The following SRGAP3 variants were observed in gnomAD, a reference collection of about 807,000 sequenced individuals.
SRGAP3 encodes the protein SLIT-ROBO Rho GTPase activating protein 3.
In SRGAP3, 39 loss-of-function variants were observed where a neutral mutation model predicts 121.1. The observed-to-expected ratio is 0.32, with a 90% CI of 0.25 to 0.42. The LOEUF (loss-of-function observed/expected upper bound fraction) is 0.42, where lower values mean the gene tolerates loss of function less well. Among genes scored for constraint, SRGAP3 ranks in the 10% least tolerant of loss-of-function variants. The pLI is 1.00. For synonymous variants in SRGAP3, 601 were observed against 570.0 expected (o/e 1.05, Z -0.77); for missense variants, 1,213 against 1,470.6 (o/e 0.82, Z 2.86).
intron 3 of SRGAP3, among the ~76,000 whole-genome samples, chr3:9,100,505 G>A (rs574868078): frequency 5.3e-5 from 8 of 152,190 alleles, no homozygotes; most frequent in Non-Finnish European, 1.0e-4. Flanking sequence ...GGAGGAATTA[G>A]GACCTCTTGG....
At position 9,170,063 on chromosome 3, in the gene SRGAP3, T is replaced by C. The variant is rs118162584; in HGVS notation, c.68-45146A>G. Among the ~76,000 whole-genome samples the C allele has an allele frequency of 9.9e-5, 15 of 152,222 alleles. No homozygotes were observed. The East Asian group carries it at 2.7e-3, about 27-fold the overall frequency. ...ATTTGTTAAGAGGACAAAATGAAGATTTAATCTATGTAAAGCACCTGACAC... is the reference window on the plus strand; with the variant it reads ...ATTTGTTAAGAGGACAAAATGAAGACTTAATCTATGTAAAGCACCTGACAC... On this transcript the variant is annotated intron_variant, in intron 1 of 21. Transcript: ENST00000383836.
chr3:9,082,984 A>T, intron 3 of SRGAP3, among the ~76,000 whole-genome samples: 1 of 152,148 alleles, frequency 6.6e-6, no homozygotes, highest in Non-Finnish European at 1.5e-5. Context: ...CAGCTTCGAG[A>T]GGGTGTGGAG....
intron 3 of SRGAP3, among the ~76,000 whole-genome samples, chr3:9,288,272 G>A (rs1954813555): frequency 1.3e-5 from 2 of 151,534 alleles, no homozygotes; most frequent in Admixed American, 1.3e-4. Flanking sequence ...CAAGTAGCTA[G>A]GATTACAGGC....
chr3:9,271,265 C>G (rs1379074203), intron 3 of SRGAP3, among the ~76,000 whole-genome samples: 1 of 152,146 alleles, frequency 6.6e-6, no homozygotes, highest in Admixed American at 6.5e-5. Flanking sequence ...ACCAGGGAGG[C>G]AGAGGTTGCA....
At chr3:9,202,499 C>A (rs1239835934) in intron 1 of SRGAP3, among the ~76,000 whole-genome samples, 1 of 152,222 alleles carries the variant, frequency 6.6e-6, no homozygotes, top group Non-Finnish European at 1.5e-5. Context: ...CTCTGATGTT[C>A]ACTAGCCTGC....
intron 2 of SRGAP3, among the ~76,000 whole-genome samples, chr3:9,105,052 C>T (rs1200790015): frequency 6.6e-6 from 1 of 152,258 alleles, no homozygotes; most frequent in Non-Finnish European, 1.5e-5. Flanking sequence ...GAACCCAGGT[C>T]TTTGACGCCT....
chr3:9,112,610 G>C (rs567367140), intron 2 of SRGAP3, among the ~76,000 whole-genome samples: 1 of 152,166 alleles, frequency 6.6e-6, no homozygotes, highest in African/African-American at 2.4e-5. Flanking sequence ...CTTTAACAGG[G>C]GGCTGCCCTC....
intron 1 of SRGAP3, among the ~76,000 whole-genome samples, chr3:9,142,816 G>A (rs967845959): frequency 3.7e-5 from 5 of 135,964 alleles, no homozygotes; most frequent in Non-Finnish European, 3.1e-5. Flanking sequence ...CAACCAAGTT[G>A]GTGGGCAATT....
chr3:9,161,951 G>A (rs981036261), intron 1 of SRGAP3, among the ~76,000 whole-genome samples: 5 of 152,184 alleles, frequency 3.3e-5, no homozygotes, highest in African/African-American at 9.7e-5. Context: ...GATGAACAAG[G>A]TGTGCTATAT....
rs1241451876 is a variant in SRGAP3 at position 9,096,941 on chromosome 3, A to G, written c.423+7739T>C. ...ATATATTTTTTACATTATTTTGTATATATATATATATATATATATATATAT... is the reference window on the plus strand; with the variant it reads ...ATATATTTTTTACATTATTTTGTATGTATATATATATATATATATATATAT... On this transcript the variant is annotated intron_variant, in intron 3 of 21. Transcript: ENST00000383836. Among the ~76,000 whole-genome samples, 138 of 28,660 alleles carry G rather than the reference A, an allele frequency of 4.8e-3. 1 individual carries two copies. Among genetic ancestry groups the G allele is most frequent in the African/African-American group, 0.016 (104 of 6,414 alleles). 18.8% of individuals were successfully genotyped at this position (28,660 alleles called of 152,430 possible).
rs144271528 is a variant in SRGAP3, at chr3:9,312,781, T to C, written n.442+13229A>G. Among the ~76,000 whole-genome samples the C allele has an allele frequency of 1.3e-3, 204 of 152,206 alleles. 1 individual carries two copies. Among genetic ancestry groups the C allele is most frequent in the African/African-American group, 4.7e-3 (194 of 41,538 alleles). ...GGGGGGAATGCTGGAGGCTGGAAGT[T>C]GGAGACCAGCCTGGGCAACATAGCG... On this transcript the variant is annotated intron_variant and non_coding_transcript_variant, in intron 3 of 3. Coordinates refer to the SRGAP3 transcript ENST00000490889.
At chr3:9,314,528 T>A (rs571305471) in intron 3 of SRGAP3, among the ~76,000 whole-genome samples, 1 of 152,122 alleles carries the variant, frequency 6.6e-6, no homozygotes, top group Non-Finnish European at 1.5e-5. Flanking sequence ...CCTGCTCTCA[T>A]GGGCACACTG....
intron 7 of SRGAP3, 34 bp downstream of exon 7, chr3:9,058,217 C>A (rs1409379631): frequency 2.5e-6 from 4 of 1,603,920 alleles, no homozygotes; most frequent in Middle Eastern, 1.8e-4. Flanking sequence ...CAGAGGGAAG[C>A]AGCCCCAAGC....
rs1345728380 is a variant in SRGAP3 at position 9,187,335 on chromosome 3, C to T, written c.67+61550G>A. Among the ~76,000 whole-genome samples, 5 of 152,258 alleles carry T rather than the reference C, an allele frequency of 3.3e-5. No individual in the cohort carries two copies. The East Asian group carries it at 9.7e-4, about 29-fold the overall frequency. ...AGAGGGGGTACAGTCAGTGGACTAA[C>T]TGAGGAAGGGGCAGAGTGGTATTTC... On this transcript the variant is annotated intron_variant, in intron 1 of 21. Coordinates refer to ENST00000383836, the MANE Select transcript of SRGAP3 (RefSeq NM_014850.4).
At chr3:9,137,425 C>T (rs992760757) in intron 1 of SRGAP3, among the ~76,000 whole-genome samples, 3 of 152,128 alleles carry the variant, frequency 2.0e-5, no homozygotes, top group African/African-American at 7.2e-5. Context: ...ATCTCCCACA[C>T]TGATTCTCAC....
At chr3:9,241,585 T>G (rs1424455683) in intron 1 of SRGAP3, among the ~76,000 whole-genome samples, 1 of 152,212 alleles carries the variant, frequency 6.6e-6, no homozygotes, top group Non-Finnish European at 1.5e-5. Context: ...CCTCTCCCAG[T>G]GAAACCTCTA....
chr3:9,002,980 A>G (rs1338381576), intron 18 of SRGAP3, among the ~76,000 whole-genome samples: 2 of 152,220 alleles, frequency 1.3e-5, no homozygotes, highest in Admixed American at 6.5e-5. Context: ...CCAGATGGCT[A>G]CATTGTTGAA....
At chr3:9,182,136 A>G (rs1207162846) in intron 1 of SRGAP3, among the ~76,000 whole-genome samples, 4 of 122,862 alleles carry the variant, frequency 3.3e-5, no homozygotes, top group African/African-American at 1.2e-4. Flanking sequence ...AGATTGTGCC[A>G]TTGTACTCCA....
intron 1 of SRGAP3, among the ~76,000 whole-genome samples, chr3:9,223,259 A>G (rs998009265): frequency 6.6e-6 from 1 of 152,244 alleles, no homozygotes; most frequent in East Asian, 1.9e-4. Flanking sequence ...AACAAAGACC[A>G]TATGGCCCAC....
Sources: gnomAD v4.1 joint callset for allele counts (sites outside exome capture counted in the v4.1 genomes callset) on GRCh38, gnomAD v4.1.1 for gene constraint, MANE v1.5 for transcripts, NCBI Gene and HGNC (gene_info 2026-07-23, HGNC 2026-07-21) for gene names.